The following TEX11 variants were observed in gnomAD, a reference collection of about 807,000 sequenced individuals.
TEX11 encodes testis-expressed protein 11.
In TEX11, 7 loss-of-function variants were observed where a neutral mutation model predicts 84.4. That is an observed-to-expected ratio of 0.08 (90% confidence interval 0.05 to 0.16). The LOEUF is 0.16. Among genes scored for constraint, TEX11 ranks in the 10% least tolerant of loss-of-function variants. TEX11 has a pLI of 1.00. For missense variants in TEX11, 551 were observed against 660.5 expected (o/e 0.83, Z 1.82); for synonymous variants, 264 against 222.8 (o/e 1.18, Z -1.64).
chrX:70,738,742 A>T (rs935829612), intron 11 of TEX11, among the ~76,000 whole-genome samples: 9 of 112,271 alleles, frequency 8.0e-5, no homozygotes, highest in African/African-American at 2.9e-4. Flanking sequence ...AATGTGGCAC[A>T]TATACAGCAT....
Position 70,529,976 on chromosome X carries a change from A to C in TEX11, c.2544T>G (p.Ile848Met). 1 of 1,209,263 alleles carries C rather than the reference A, an allele frequency of 8.3e-7. No homozygotes were observed. Among genetic ancestry groups the C allele is most frequent in the Non-Finnish European group, 1.1e-6 (1 of 894,721 alleles). The stretch of plus-strand genomic sequence containing the variant: ...TCCAGGACTTGACCATCAGCCAGAG[A>C]ATCTCCATTTCTGGGTAGTCTTTCT... ...SRTKDYPEME[I>M]LWLMVKSWNT... Residue 848 changes from isoleucine (I) to methionine (M), a missense_variant, in exon 29 of 30, where the codon ATT (isoleucine) becomes ATG (methionine). By Grantham distance (10) the Ile-to-Met change is conservative (BLOSUM62 1). Coordinates refer to ENST00000374333, the MANE Select transcript of TEX11 (RefSeq NM_031276.3).
intron 10 of TEX11, 51 bp downstream of exon 10, chrX:70,744,114 A>G: frequency 1.2e-6 from 1 of 812,105 alleles, no homozygotes; most frequent in East Asian, 4.0e-5. Flanking sequence ...ATAACAATAA[A>G]ATAAAGCAGG....
At chrX:70,704,754 A>G (rs1278792943) in intron 13 of TEX11, among the ~76,000 whole-genome samples, 1 of 110,706 alleles carries the variant, frequency 9.0e-6, no homozygotes, top group Non-Finnish European at 1.9e-5. Context: ...CTGGAATCTG[A>G]GAGAAACATT....
At chrX:70,717,125 T>C (rs2090511857) in intron 13 of TEX11, among the ~76,000 whole-genome samples, 1 of 109,252 alleles carries the variant, frequency 9.2e-6, no homozygotes, top group Non-Finnish European at 1.9e-5. Context: ...CCTGGAATTG[T>C]CTGCTCTCTG....
At chrX:70,563,338 G>GT (rs1182734135) in intron 25 of TEX11, among the ~76,000 whole-genome samples, 1 of 112,061 alleles carries the variant, frequency 8.9e-6, no homozygotes, top group Non-Finnish European at 1.9e-5. Context: ...GAATGGCTAT[G>GT]ACTAGAAGGT....
intron 2 of TEX11, among the ~76,000 whole-genome samples, chrX:70,897,213 TAACA>T (rs1314501388): frequency 5.2e-3 from 197 of 38,191 alleles, no homozygotes; most frequent in African/African-American, 0.011. Flanking sequence ...TATATATATA[TAACA>T]TATATATATG....
chrX:70,621,551 AAT>A (rs1555999800), intron 20 of TEX11, among the ~76,000 whole-genome samples: 17 of 7,808 alleles, frequency 2.2e-3, no homozygotes, highest in East Asian at 5.4e-3. Flanking sequence ...AAAAAAAAAA[AAT>A]ATATATATAT....
chrX:70,663,425 G>A (rs1420078726), intron 16 of TEX11, among the ~76,000 whole-genome samples: 1 of 111,781 alleles, frequency 8.9e-6, no homozygotes, highest in Admixed American at 9.5e-5. Flanking sequence ...CTCCCTGACA[G>A]CCATTCAAAT....
chrX:70,679,328 G>C (rs2090109368), intron 14 of TEX11, among the ~76,000 whole-genome samples: 1 of 110,767 alleles, frequency 9.0e-6, no homozygotes, highest in African/African-American at 3.3e-5. Context: ...GCCTCCCAAA[G>C]TGCCGAGATT....
At chrX:70,594,030 A>T (rs1462628812) in intron 24 of TEX11, among the ~76,000 whole-genome samples, 1 of 111,634 alleles carries the variant, frequency 9.0e-6, no homozygotes, top group Non-Finnish European at 1.9e-5. Flanking sequence ...AAGCCCAAAA[A>T]ACTCTAGGTG....
intron 8 of TEX11, among the ~76,000 whole-genome samples, chrX:70,831,831 G>A (rs775881669): frequency 1.7e-4 from 19 of 111,195 alleles, no homozygotes; most frequent in South Asian, 3.8e-4. Context: ...CTTGATTGTG[G>A]TGATCTTTTC....
chrX:70,897,187 AAT>A (rs2091772294), intron 2 of TEX11, among the ~76,000 whole-genome samples: 3 of 46,640 alleles, frequency 6.4e-5, no homozygotes, highest in Admixed American at 4.5e-4. Context: ...TGTTATATAT[AAT>A]ATATGTTATA....
chrX:70,733,530 C>T (rs2090671371), intron 11 of TEX11, among the ~76,000 whole-genome samples: 1 of 111,639 alleles, frequency 9.0e-6, no homozygotes, highest in Non-Finnish European at 1.9e-5. Flanking sequence ...GACATTTATA[C>T]AGCCAAAAAA....
rs754841017 is a variant in TEX11, at chrX:70,569,437, C to T, written c.2141-14637G>A. On this transcript the variant is annotated intron_variant, in intron 25 of 29. Transcript: ENST00000374333. ...AGTCCTTCTCCGTCCAGCTTTGTTC[C>T]GTTGCTGGTAAGGAGCTGCGTTCCT... Among the ~76,000 whole-genome samples the T allele has an allele frequency of 4.5e-5, 5 of 112,139 alleles. No individual in the cohort carries two copies. In the East Asian group the frequency reaches 8.4e-4, roughly 19 times the overall value.
intron 13 of TEX11, among the ~76,000 whole-genome samples, chrX:70,707,040 G>A (rs1161667555): frequency 2.7e-5 from 3 of 110,113 alleles, no homozygotes; most frequent in South Asian, 3.9e-4. Context: ...AAATCCTCTC[G>A]GATTCATTAG....
intron 20 of TEX11, among the ~76,000 whole-genome samples, chrX:70,616,646 G>C (rs1172397668): frequency 1.8e-5 from 2 of 111,958 alleles, no homozygotes; most frequent in Non-Finnish European, 3.8e-5. Flanking sequence ...CAGATGAATG[G>C]ATAAAGGAAA....
chrX:70,775,503 C>T (rs1210390777), intron 9 of TEX11, among the ~76,000 whole-genome samples: 1 of 110,350 alleles, frequency 9.1e-6, no homozygotes, highest in African/African-American at 3.3e-5. Flanking sequence ...AAAAAAATCT[C>T]ATTAAAAAGT....
chrX:70,806,540 A>G (rs1331062390), intron 9 of TEX11, among the ~76,000 whole-genome samples, 165 bp downstream of exon 9: 3 of 111,927 alleles, frequency 2.7e-5, no homozygotes, highest in Non-Finnish European at 5.6e-5. Context: ...TGAACTGACA[A>G]TGTGTAAGAA....
At chrX:70,703,284 A>G (rs2090341407) in intron 13 of TEX11, among the ~76,000 whole-genome samples, 1 of 111,842 alleles carries the variant, frequency 8.9e-6, no homozygotes, top group Non-Finnish European at 1.9e-5. Context: ...TATTTTATGT[A>G]CATAATCTCT....
Sources: allele counts gnomAD v4.1 joint callset (sites outside exome capture counted in the v4.1 genomes callset), GRCh38; gene constraint gnomAD v4.1.1; transcripts MANE v1.5; gene names NCBI Gene and HGNC (gene_info 2026-07-23, HGNC 2026-07-21).